NRF1: variants seen among roughly 807,000 people sequenced by gnomAD.
The protein encoded by NRF1 is nuclear respiratory factor 1.
Under a neutral mutation model 58.5 loss-of-function variants are expected in NRF1, and 5 were observed. The ratio of observed to expected loss-of-function variants is 0.09; its 90% confidence interval spans 0.04 to 0.18. The LOEUF (loss-of-function observed/expected upper bound fraction) is 0.18. Ranked by LOEUF, NRF1 falls within the 10% of genes least tolerant of loss-of-function variation. NRF1 has a pLI of 1.00. For synonymous variants in NRF1, 224 were observed against 246.7 expected (o/e 0.91, Z 0.86); for missense variants, 288 against 657.7 (o/e 0.44, Z 6.15).
At chr7:129,657,147 C>T (rs563624851) in intron 1 of NRF1, among the ~76,000 whole-genome samples, 199 bp from the exon 2 acceptor site, 19 of 152,140 alleles carry the variant, frequency 1.2e-4, no homozygotes, top group Non-Finnish European at 2.4e-4. Context: ...AATGGTTTCA[C>T]GTAAGAACAC....
intron 5 of NRF1, among the ~76,000 whole-genome samples, chr7:129,706,371 A>C (rs1416110136): frequency 2.0e-5 from 3 of 152,226 alleles, no homozygotes; most frequent in Non-Finnish European, 4.4e-5. Flanking sequence ...CAAGAAAGCC[A>C]ACTAGAAGGA....
chr7:129,696,158 C>T (rs1462535032), intron 5 of NRF1, among the ~76,000 whole-genome samples: 1 of 150,224 alleles, frequency 6.7e-6, no homozygotes, highest in African/African-American at 2.5e-5. Flanking sequence ...GCAGGAGAAT[C>T]GCTTGAACCC....
chr7:129,692,848 A>G lies in NRF1; in HGVS notation c.606+2302A>G, dbSNP rs150448851. On this transcript the variant is annotated intron_variant, in intron 5 of 10. Coordinates refer to ENST00000393232, the MANE Select transcript of NRF1 (RefSeq NM_005011.5). ...GAGTATTGTTCTCCCAGATGATTGC[A>G]TGATGGACTTTATCTTATTCAAAGT... Among the ~76,000 whole-genome samples the G allele has an allele frequency of 7.3e-3, 1,108 of 152,230 alleles. 16 individuals carry two copies. Among genetic ancestry groups the G allele is most frequent in the African/African-American group, 0.025 (1,055 of 41,548 alleles).
intron 10 of NRF1, among the ~76,000 whole-genome samples, chr7:129,734,844 G>A (rs965125941): frequency 1.3e-5 from 2 of 152,212 alleles, no homozygotes; most frequent in African/African-American, 2.4e-5. Context: ...CCCAGCAGAC[G>A]AGTTGTTTCA....
At position 129,677,684 on chromosome 7, in the gene NRF1, A is replaced by G. The variant is rs866813686; in HGVS notation, c.391A>G (p.Ile131Val). The change falls in exon 4 of 11, where the codon ATT becomes GTT. Residue 131 changes from isoleucine to valine, a missense_variant. Transcript: ENST00000393232. ...EYTTRVGQQA[I>V]VLCISPSKPN... The stretch of plus-strand genomic sequence containing the variant: ...TACTACTCGTGTGGGACAGCAAGCT[A>G]TTGTCCTCTGTATCTCACCCTCCAA... 4 of 1,613,712 alleles carry G rather than the reference A, an allele frequency of 2.5e-6. No individual in the cohort carries two copies. The highest frequency in any genetic ancestry group is 1.7e-5 in the Admixed American group (1 of 59,996).
At chr7:129,735,144 C>T (rs1301390018) in intron 10 of NRF1, 9 of 985,338 alleles carry the variant, frequency 9.1e-6, no homozygotes, top group Non-Finnish European at 9.6e-6. Context: ...GCACTGAAGA[C>T]TCAGAAACCA....
chr7:129,684,220 T>A (rs1041770027), intron 4 of NRF1, among the ~76,000 whole-genome samples: 1 of 151,858 alleles, frequency 6.6e-6, no homozygotes, highest in Admixed American at 6.5e-5. Context: ...AATTCAAGAA[T>A]TGGTTCTATA....
chr7:129,723,749 A>G (rs530292666), intron 9 of NRF1, among the ~76,000 whole-genome samples: 9 of 152,268 alleles, frequency 5.9e-5, no homozygotes, highest in African/African-American at 1.9e-4. Flanking sequence ...TAAGCTCTCA[A>G]TTTTATTCCA....
At chr7:129,744,150 T>TA in intron 10 of NRF1, 1 of 1,463,320 alleles carries the variant, frequency 6.8e-7, no homozygotes, top group Non-Finnish European at 9.1e-7. Flanking sequence ...TTTTTTTTTT[T>TA]AACAGTTCTG....
intron 1 of NRF1, among the ~76,000 whole-genome samples, chr7:129,612,174 G>T (rs1468971825): frequency 6.6e-6 from 1 of 150,966 alleles, no homozygotes; most frequent in Non-Finnish European, 1.5e-5. Context: ...CGGCCTTCCC[G>T]CAGCTCGGGA....
chr7:129,701,761 A>G (rs1432064189), intron 5 of NRF1, among the ~76,000 whole-genome samples: 2 of 152,236 alleles, frequency 1.3e-5, no homozygotes, highest in Non-Finnish European at 2.9e-5. Context: ...CCCTTTAATC[A>G]GCAATTCCAC....
intron 9 of NRF1, among the ~76,000 whole-genome samples, chr7:129,722,693 A>T (rs531399888): frequency 3.3e-5 from 5 of 152,174 alleles, no homozygotes; most frequent in Non-Finnish European, 5.9e-5. Context: ...TAAAGAAGAT[A>T]ACTTCAAGTT....
intron 2 of NRF1, among the ~76,000 whole-genome samples, chr7:129,658,170 T>C (rs945699019): frequency 5.9e-4 from 90 of 152,362 alleles, no homozygotes; most frequent in African/African-American, 2.1e-3. Context: ...TTTCTCTTTC[T>C]TGGCGTTTTC....
intron 1 of NRF1, among the ~76,000 whole-genome samples, chr7:129,654,029 A>C (rs1801597171): frequency 6.6e-6 from 1 of 152,190 alleles, no homozygotes; most frequent in South Asian, 2.1e-4. Flanking sequence ...AGTATGTTTA[A>C]TTTTATAACA....
At chr7:129,749,615 CTT>C (rs1256761940) in intron 10 of NRF1, among the ~76,000 whole-genome samples, 1 of 151,992 alleles carries the variant, frequency 6.6e-6, no homozygotes, top group African/African-American at 2.4e-5. Context: ...TTCTATAAAC[CTT>C]ACCATGAAGC....
chr7:129,692,748 G>A (rs1184505060), intron 5 of NRF1, among the ~76,000 whole-genome samples: 8 of 151,958 alleles, frequency 5.3e-5, no homozygotes, highest in African/African-American at 1.9e-4. Context: ...TCAGTCACTG[G>A]GCTGCGGCCA....
chr7:129,724,558 A>G (rs1242545719), intron 9 of NRF1, among the ~76,000 whole-genome samples: 1 of 152,258 alleles, frequency 6.6e-6, no homozygotes. Context: ...TGAAAGCAGG[A>G]TCTCAGAGAA....
intron 1 of NRF1, among the ~76,000 whole-genome samples, chr7:129,621,139 C>T (rs1800789278): frequency 6.6e-6 from 1 of 152,040 alleles, no homozygotes; most frequent in Non-Finnish European, 1.5e-5. Flanking sequence ...TTTTTACTTC[C>T]TTCTGCTAAT....
chr7:129,731,662 T>G (rs983708893), intron 10 of NRF1, among the ~76,000 whole-genome samples: 1 of 151,286 alleles, frequency 6.6e-6, no homozygotes, highest in Non-Finnish European at 1.5e-5. Flanking sequence ...AGGGTCTCAC[T>G]CTGTCACCTA....
Sources: allele counts gnomAD v4.1 joint callset (sites outside exome capture counted in the v4.1 genomes callset), GRCh38; gene constraint gnomAD v4.1.1; transcripts MANE v1.5; gene names NCBI Gene and HGNC (gene_info 2026-07-23, HGNC 2026-07-21).